RNASEH1: variants seen among roughly 807,000 people sequenced by gnomAD.
RNASEH1 encodes the protein ribonuclease H1, also known as ribonuclease H type II.
Under a neutral mutation model 34.6 loss-of-function variants are expected in RNASEH1, and 27 were observed. The ratio of observed to expected loss-of-function variants is 0.78; its 90% CI spans 0.58 to 1.08. RNASEH1 has a LOEUF of 1.08. Ranked by LOEUF, RNASEH1 falls within the 50% of genes least tolerant of loss-of-function variation. The pLI, the probability that RNASEH1 is intolerant of heterozygous loss-of-function variation, is 0.00. For synonymous variants in RNASEH1, 162 were observed against 138.4 expected (o/e 1.17, Z -1.20); for missense variants, 349 against 373.6 (o/e 0.93, Z 0.54).
At position 3,558,271 on chromosome 2, in the gene RNASEH1, C is replaced by T; in HGVS notation, c.-11G>A. On this transcript the variant is annotated 5_prime_UTR_variant, in exon 1 of 8. Coordinates refer to ENST00000315212, the MANE Select transcript of RNASEH1 (RefSeq NM_002936.6). The stretch of plus-strand genomic sequence containing the variant: ...CAGAAGCCAGCTCATCGCTCACTCC[C>T]GGCACCGGGAAGCATTTCGACTCCC... 6.4e-7 allele frequency: 1 copy of T among 1,558,960 alleles called. No homozygotes were observed. Among genetic ancestry groups the T allele is most frequent in the East Asian group, 2.4e-5 (1 of 41,830 alleles).
chr2:3,551,652 G>A (rs969345056), intron 3 of RNASEH1, among the ~76,000 whole-genome samples: 1 of 152,086 alleles, frequency 6.6e-6, no homozygotes, highest in African/African-American at 2.4e-5. Flanking sequence ...AAGACACAAA[G>A]GAGAATTCTA....
chr2:3,543,713 C>A lies in RNASEH1; in HGVS notation c.*2072G>T, dbSNP rs555885849. 1.3e-5 allele frequency among the ~76,000 whole-genome samples: 2 copies of A among 152,014 alleles called. No individual in the cohort carries two copies. The highest frequency in any genetic ancestry group is 4.8e-5 in the African/African-American group (2 of 41,378). On this transcript the variant is annotated 3_prime_UTR_variant, in exon 8 of 8. Transcript: ENST00000315212. ...GCATCCTCGACCTCCTGGGCCCAAG[C>A]GATCCTCCCATCTCAGCCTCCAGAA...
intron 2 of RNASEH1, among the ~76,000 whole-genome samples, chr2:3,555,855 G>A (rs2147780550): frequency 6.6e-6 from 1 of 152,154 alleles, no homozygotes; most frequent in South Asian, 2.1e-4. Context: ...TTGAATAACC[G>A]TACTTTCTAT....
chr2:3,547,481 A>AC (rs1450637220), intron 7 of RNASEH1, among the ~76,000 whole-genome samples: 1 of 139,702 alleles, frequency 7.2e-6, no homozygotes, highest in East Asian at 2.1e-4. Context: ...AGGCTCACAT[A>AC]TTTTTTTTTT....
rs1344757922 is a variant in RNASEH1, at chr2:3,543,959, C to T, written c.*1826G>A. ...TAAAAACCCTTCACCACTCACCTTC[C>T]TTGACAGACAACTAATGCATTATCT... On this transcript the variant is annotated 3_prime_UTR_variant, in exon 8 of 8. Coordinates refer to ENST00000315212, the MANE Select transcript of RNASEH1 (RefSeq NM_002936.6). 1.3e-5 allele frequency among the ~76,000 whole-genome samples: 2 copies of T among 152,134 alleles called. No homozygotes were observed. Among genetic ancestry groups the T allele is most frequent in the Non-Finnish European group, 2.9e-5 (2 of 68,036 alleles).
At chr2:3,539,485 G>A (rs1310850730), downstream of RNASEH1, among the ~76,000 whole-genome samples, 1 of 152,168 alleles carries the variant, frequency 6.6e-6, no homozygotes, top group African/African-American at 2.4e-5. Context: ...GCCAATTCCT[G>A]TCTCTCAATG....
chr2:3,535,785 G>C, the RNASEH1 span, among the ~76,000 whole-genome samples: 1 of 152,256 alleles, frequency 6.6e-6, no homozygotes, highest in African/African-American at 2.4e-5. Flanking sequence ...GCTACCTGGA[G>C]AGGGAGGAGC....
Position 3,543,450 on chromosome 2 carries a change from C to T in RNASEH1, c.*2335G>A, listed in dbSNP as rs115168476. Among the ~76,000 whole-genome samples, 567 of 152,082 alleles carry T rather than the reference C, an allele frequency of 3.7e-3. 9 individuals are homozygous for T. The highest frequency in any genetic ancestry group is 0.013 in the African/African-American group (528 of 41,442). ...CTGCAGGGAGCTATCAATGACTGTG[C>T]GTGTGGTCTGTGCACACATGTATGC... is the stretch of plus-strand genomic sequence containing the variant. On this transcript the variant is annotated 3_prime_UTR_variant, in exon 8 of 8. Transcript: ENST00000315212.
chr2:3,551,196 G>T (rs144833196), intron 3 of RNASEH1, among the ~76,000 whole-genome samples: 1 of 152,384 alleles, frequency 6.6e-6, no homozygotes, highest in African/African-American at 2.4e-5. Flanking sequence ...CAGCAGTGGC[G>T]AAGGGGCAAA....
chr2:3,549,186 G>T, intron 4 of RNASEH1, 74 bp from the exon 5 acceptor site: 1 of 1,073,166 alleles, frequency 9.3e-7, no homozygotes, highest in Non-Finnish European at 1.4e-6. Flanking sequence ...AATGGATAAC[G>T]ATAAACTAGT....
chr2:3,552,172 T>C lies in RNASEH1; in HGVS notation c.381A>G (p.Pro127=), dbSNP rs1572320819. ...HMKPSVEPAP[P]VSRDTFSYMG... ...TGTAGGAAAACGTGTCTCTGCTAAC[T>C]GGAGGCGCCGGCTCCACGCTCGGCT... The change falls in exon 3 of 8, where the codon CCA becomes CCG. Residue 127 remains proline, a synonymous_variant. Coordinates refer to ENST00000315212, the MANE Select transcript of RNASEH1 (RefSeq NM_002936.6). 6.2e-7 allele frequency: 1 copy of C among 1,611,352 alleles called. No individual in the cohort carries two copies. The highest frequency in any genetic ancestry group is 8.5e-7 in the Non-Finnish European group (1 of 1,179,584).
At chr2:3,538,592 CT>C (rs1375142269), downstream of RNASEH1, among the ~76,000 whole-genome samples, 2 of 152,068 alleles carry the variant, frequency 1.3e-5, no homozygotes, top group Non-Finnish European at 2.9e-5. Context: ...CCCAGAGCAC[CT>C]TCTGGTCTGT....
downstream of RNASEH1, among the ~76,000 whole-genome samples, chr2:3,537,079 G>A (rs1668025616): frequency 6.6e-6 from 1 of 152,238 alleles, no homozygotes; most frequent in Non-Finnish European, 1.5e-5. Flanking sequence ...AATTTTGGGG[G>A]ATCCATTCAG....
chr2:3,548,694 T>A lies in RNASEH1; in HGVS notation c.595A>T (p.Thr199Ser), dbSNP rs1161631492. 6.2e-7 allele frequency: 1 copy of A among 1,613,286 alleles called. No homozygotes were observed. The highest frequency in any genetic ancestry group is 2.2e-5 in the East Asian group (1 of 44,880). ...AGAACCAGTTTATTGATGTTTTGAGTCTTTGCTTGTTCAATGGCTTTGCAG... is the reference window on the plus strand; with the variant it reads ...AGAACCAGTTTATTGATGTTTTGAGACTTTGCTTGTTCAATGGCTTTGCAG... ...AACKAIEQAK[T>S]QNINKLVLYT... Residue 199 changes from threonine (T) to serine (S), a missense_variant, in exon 6 of 8, where the codon ACT (threonine) becomes TCT (serine). Coordinates refer to ENST00000315212, the MANE Select transcript of RNASEH1 (RefSeq NM_002936.6).
At chr2:3,537,825 G>A (rs547632567), downstream of RNASEH1, among the ~76,000 whole-genome samples, 5 of 152,064 alleles carry the variant, frequency 3.3e-5, no homozygotes, top group South Asian at 8.3e-4. Flanking sequence ...ATCACCTGAG[G>A]TCAGGAGTTC....
the RNASEH1 span, among the ~76,000 whole-genome samples, chr2:3,534,853 A>G: frequency 1.2e-4 from 18 of 152,224 alleles, no homozygotes; most frequent in African/African-American, 3.9e-4. Flanking sequence ...CACACCTGCT[A>G]CCATGTGGAG....
downstream of RNASEH1, among the ~76,000 whole-genome samples, chr2:3,538,031 G>C (rs971762212): frequency 8.3e-5 from 9 of 108,936 alleles, no homozygotes; most frequent in African/African-American, 3.7e-4. Flanking sequence ...GAGCGAAACT[G>C]TCTTAAAACA....
the RNASEH1 span, among the ~76,000 whole-genome samples, chr2:3,534,982 A>C: frequency 6.6e-6 from 1 of 152,230 alleles, no homozygotes; most frequent in Non-Finnish European, 1.5e-5. Flanking sequence ...AAAGCAGAAC[A>C]GTGCTGCCAG....
At chr2:3,552,537 C>CTCCACCCCCTCCACACCAA (rs1660063984) in intron 2 of RNASEH1, among the ~76,000 whole-genome samples, 1 of 99,032 alleles carries the variant, frequency 1.0e-5, no homozygotes, top group African/African-American at 4.1e-5. Flanking sequence ...CTCCACACCA[C>CTCCACCCCCTCCACACCAA]CTCCACCCCC....
Sources: gnomAD v4.1 joint callset for allele counts (sites outside exome capture counted in the v4.1 genomes callset) on GRCh38, gnomAD v4.1.1 for gene constraint, MANE v1.5 for transcripts, NCBI Gene and HGNC (gene_info 2026-07-23, HGNC 2026-07-21) for gene names.